The following HAUS1 variants were observed in gnomAD, a reference collection of about 807,000 sequenced individuals.
HAUS1 encodes the protein HAUS augmin like complex subunit 1, also known as HAUS augmin-like complex subunit 1.
Under a neutral mutation model 38.6 loss-of-function variants are expected in HAUS1, and 25 were observed. That is an observed-to-expected ratio of 0.65 (90% CI 0.47 to 0.91). HAUS1 has a LOEUF of 0.91. HAUS1 is among the 40% of genes least tolerant of loss of function. The pLI, the probability that HAUS1 is intolerant of heterozygous loss-of-function variation, is 0.00. For synonymous variants in HAUS1, 109 were observed against 112.9 expected (o/e 0.97, Z 0.22); for missense variants, 325 against 328.4 (o/e 0.99, Z 0.08).
At chr18:46,121,823 A>T (rs1397460364) in intron 4 of HAUS1, 1 of 152,050 alleles carries the variant, frequency 6.6e-6, no homozygotes, top group Non-Finnish European at 1.5e-5. Flanking sequence ...GACTGTCTCT[A>T]CAAAAAAATT....
Position 46,125,911 on chromosome 18 carries a change from AC to A in HAUS1, c.786+121del, listed in dbSNP as rs1303321164. The stretch of plus-strand genomic sequence containing the variant: ...AGTGGTAAGCTGCAGTCCTAAAGTT[AC>A]TGTGTATCATTCTCCTGCATCTTTT... On this transcript the variant is annotated intron_variant, in intron 8 of 8. Coordinates refer to ENST00000282058, the MANE Select transcript of HAUS1 (RefSeq NM_138443.4). 4 of 663,128 alleles carry A rather than the reference AC, an allele frequency of 6.0e-6. No homozygotes were observed. The East Asian group carries it at 1.1e-4, about 18-fold the overall frequency. The allele number at this position is 663,128 out of a possible 1,614,324, so 41.1% of individuals were successfully genotyped here.
chr18:46,128,256 T>C lies in HAUS1; in HGVS notation c.*131T>C. On this transcript the variant is annotated 3_prime_UTR_variant, in exon 9 of 9. Transcript: ENST00000282058. The stretch of plus-strand genomic sequence containing the variant: ...TTAGATTACAGAATATCATAATTGA[T>C]AGAATATGGTTTCTTACTGTGTGTT... The C allele has an allele frequency of 6.0e-6, 3 of 501,442 alleles. No individual in the cohort carries two copies. The highest frequency in any genetic ancestry group is 7.7e-5 in the Admixed American group (2 of 26,024). 31.1% of individuals were successfully genotyped at this position (501,442 alleles called of 1,614,324 possible). A position where few individuals can be genotyped will look rare whatever the true frequency, so the allele number is the denominator to read the frequency against.
intron 2 of HAUS1, among the ~76,000 whole-genome samples, chr18:46,116,222 A>G (rs1241509877): frequency 1.3e-5 from 2 of 152,144 alleles, no homozygotes; most frequent in Non-Finnish European, 2.9e-5. Context: ...TTGTAAATAT[A>G]TCTGATATGG....
At chr18:46,119,532 A>T (rs2144259933) in intron 3 of HAUS1, among the ~76,000 whole-genome samples, 1 of 152,226 alleles carries the variant, frequency 6.6e-6, no homozygotes, top group African/African-American at 2.4e-5. Context: ...TAGCTCTGTT[A>T]TAACTGGGGA....
At chr18:46,107,324 C>G (rs1342247544) in intron 2 of HAUS1, among the ~76,000 whole-genome samples, 4 of 152,068 alleles carry the variant, frequency 2.6e-5, no homozygotes, top group African/African-American at 4.8e-5. Context: ...TTTATAAGAG[C>G]TTTCTTTTTT....
intron 2 of HAUS1, among the ~76,000 whole-genome samples, chr18:46,116,560 CA>C (rs140317645): frequency 0.24 from 35,380 of 146,720 alleles, 5,447 homozygotes; most frequent in African/African-American, 0.43. Context: ...GACCCTGTCC[CA>C]AAAAAAAAAT....
chr18:46,105,719 C>A (rs965237993), intron 2 of HAUS1, among the ~76,000 whole-genome samples: 1 of 151,756 alleles, frequency 6.6e-6, no homozygotes, highest in Non-Finnish European at 1.5e-5. Flanking sequence ...GTAGCTGGGA[C>A]TACAGGCCTG....
chr18:46,127,262 G>A (rs1912135480), intron 8 of HAUS1, among the ~76,000 whole-genome samples: 1 of 151,814 alleles, frequency 6.6e-6, no homozygotes, highest in Middle Eastern at 3.4e-3. Flanking sequence ...ATGAGCCACC[G>A]TGCCTGGCCA....
intron 7 of HAUS1, among the ~76,000 whole-genome samples, chr18:46,125,377 C>G (rs997273642): frequency 8.6e-5 from 13 of 151,910 alleles, no homozygotes; most frequent in South Asian, 2.1e-4. Context: ...GGTGAAACCC[C>G]GTCTCTACTA....
intron 2 of HAUS1, chr18:46,115,320 A>G (rs1911771223): frequency 6.6e-6 from 1 of 152,216 alleles, no homozygotes; most frequent in African/African-American, 2.4e-5. Flanking sequence ...TTAGCCAGGC[A>G]TGGTGGCATG....
rs112739508 is a variant in HAUS1 at position 46,115,629 on chromosome 18, A to G, written c.206-2552A>G. On this transcript the variant is annotated intron_variant, in intron 2 of 8. Transcript: ENST00000282058. ...GGTGACAGAGTGAGACCCTGCCTCA[A>G]AAAAAAAGCCTAAAAAATATGAGCT... 5.8e-3 allele frequency among the ~76,000 whole-genome samples: 878 copies of G among 151,838 alleles called. 19 individuals are homozygous for G. The highest frequency in any genetic ancestry group is 0.033 in the Admixed American group (503 of 15,200).
At chr18:46,117,186 A>G (rs888819635) in intron 2 of HAUS1, among the ~76,000 whole-genome samples, 2 of 152,216 alleles carry the variant, frequency 1.3e-5, no homozygotes, top group Non-Finnish European at 2.9e-5. Flanking sequence ...ACTTACACCC[A>G]AGAGAAATGA....
At position 46,126,380 on chromosome 18, in the gene HAUS1, C is replaced by T. The variant is rs139349248; in HGVS notation, c.786+589C>T. ...ATTGAGAGATATAGAATATTCTAGG[C>T]AAAAAGAATTTGCAAAGGCATATAA... is the stretch of plus-strand genomic sequence containing the variant. On this transcript the variant is annotated intron_variant, in intron 8 of 8. Coordinates refer to ENST00000282058, the MANE Select transcript of HAUS1 (RefSeq NM_138443.4). 6.3e-3 allele frequency among the ~76,000 whole-genome samples: 952 copies of T among 152,176 alleles called. 4 individuals carry two copies. Among genetic ancestry groups the T allele is most frequent in the African/African-American group, 0.021 (883 of 41,536 alleles).
chr18:46,123,458 G>T (rs1410742593), intron 6 of HAUS1, 94 bp downstream of exon 6: 8 of 836,460 alleles, frequency 9.6e-6, no homozygotes, highest in African/African-American at 5.2e-5. Context: ...TTTATTCACT[G>T]TGGACCTGAT....
chr18:46,105,339 A>G lies in HAUS1; in HGVS notation c.176A>G (p.Lys59Arg). ...GTCTACCTGGTAATAGAGGACTTGA[A>G]GCAGAAAGCAAGTGAATACGAGTCA... is the stretch of plus-strand genomic sequence containing the variant. ...RDVYLVIEDL[K>R]QKASEYESEA... Residue 59 changes from lysine to arginine, a missense_variant, in exon 2 of 9, where the codon AAG becomes AGG. Transcript: ENST00000282058. 1 of 1,613,392 alleles carries G rather than the reference A, an allele frequency of 6.2e-7. No homozygotes were observed. Among genetic ancestry groups the G allele is most frequent in the Non-Finnish European group, 8.5e-7 (1 of 1,179,702 alleles).
At chr18:46,117,200 CAT>C (rs1421448747) in intron 2 of HAUS1, among the ~76,000 whole-genome samples, 3 of 152,138 alleles carry the variant, frequency 2.0e-5, no homozygotes, top group Non-Finnish European at 4.4e-5. Flanking sequence ...GAAATGAAAA[CAT>C]ATGTTCATAT....
chr18:46,117,202 T>C (rs1453790551), intron 2 of HAUS1, among the ~76,000 whole-genome samples: 2 of 152,164 alleles, frequency 1.3e-5, no homozygotes, highest in Non-Finnish European at 2.9e-5. Flanking sequence ...AATGAAAACA[T>C]ATGTTCATAT....
intron 3 of HAUS1, 87 bp downstream of exon 3, chr18:46,118,403 A>G (rs1911852295): frequency 7.7e-7 from 1 of 1,303,304 alleles, no homozygotes; most frequent in African/African-American, 1.5e-5. Flanking sequence ...TTCTATATGA[A>G]AAATTGGCAA....
intron 2 of HAUS1, among the ~76,000 whole-genome samples, chr18:46,116,212 T>A (rs1456084447): frequency 2.6e-5 from 4 of 152,044 alleles, no homozygotes; most frequent in African/African-American, 9.6e-5. Flanking sequence ...GAGAAAATAT[T>A]TGTAAATATA....
Sources: gnomAD v4.1 joint callset for allele counts (sites outside exome capture counted in the v4.1 genomes callset) on GRCh38, gnomAD v4.1.1 for gene constraint, MANE v1.5 for transcripts, NCBI Gene and HGNC (gene_info 2026-07-23, HGNC 2026-07-21) for gene names.